RGS6: variants seen among roughly 807,000 people sequenced by gnomAD.
The protein encoded by RGS6 is regulator of G protein signaling 6.
Under a neutral mutation model 78.5 loss-of-function variants are expected in RGS6, and 30 were observed. The observed-to-expected ratio is 0.38, with a 90% CI of 0.29 to 0.52. The LOEUF (loss-of-function observed/expected upper bound fraction) is 0.52, where lower values mean the gene tolerates loss of function less well. Ranked by LOEUF, RGS6 falls within the 20% of genes least tolerant of loss-of-function variation. The pLI, the probability that RGS6 is intolerant of heterozygous loss-of-function variation, is 0.85. For synonymous variants in RGS6, 206 were observed against 206.0 expected (o/e 1.00, Z 0.00); for missense variants, 495 against 609.7 (o/e 0.81, Z 1.98).
At chr14:71,906,897 A>G in the RGS6 span, among the ~76,000 whole-genome samples, 14 of 146,502 alleles carry the variant, frequency 9.6e-5, 1 homozygote, top group Non-Finnish European at 1.8e-4. Flanking sequence ...CAAAATGACT[A>G]AGGCAAGAAC....
At chr14:72,353,090 G>A (rs1400548969) in intron 3 of RGS6, among the ~76,000 whole-genome samples, 1 of 152,176 alleles carries the variant, frequency 6.6e-6, no homozygotes, top group Non-Finnish European at 1.5e-5. Context: ...TCACATATTG[G>A]TGATACGAAT....
At chr14:72,581,353 T>C in the RGS6 span, among the ~76,000 whole-genome samples, 1 of 152,132 alleles carries the variant, frequency 6.6e-6, no homozygotes, top group Non-Finnish European at 1.5e-5. Context: ...CAAATTCTAT[T>C]TTTATATCTT....
chr14:72,400,672 T>G (rs954682849), intron 3 of RGS6, among the ~76,000 whole-genome samples: 1 of 152,242 alleles, frequency 6.6e-6, no homozygotes, highest in Non-Finnish European at 1.5e-5. Flanking sequence ...ATATTTGAAT[T>G]CTTTCTATGC....
chr14:72,076,188 G>A (rs546572357), intron 2 of RGS6, among the ~76,000 whole-genome samples: 1 of 152,292 alleles, frequency 6.6e-6, no homozygotes, highest in South Asian at 2.1e-4. Flanking sequence ...GCCCTCCACA[G>A]GCACCTTAGC....
chr14:72,127,731 A>G (rs149463812), intron 2 of RGS6, among the ~76,000 whole-genome samples: 7 of 152,316 alleles, frequency 4.6e-5, no homozygotes, highest in African/African-American at 1.7e-4. Context: ...AAGCTATAGT[A>G]CAATATCCCA....
intron 3 of RGS6, among the ~76,000 whole-genome samples, chr14:72,374,006 A>T (rs950233923): frequency 1.3e-5 from 2 of 152,208 alleles, no homozygotes; most frequent in Admixed American, 1.3e-4. Flanking sequence ...TATAAAATTA[A>T]TCATTTGATA....
rs539860265 is a variant in RGS6 at position 72,032,373 on chromosome 14, T to C, written c.84+67498T>C. Reference sequence around the variant, plus strand: ...TTGCTAAATGGAAAGTCAAAATAAATAATATCTCAATATTTTTAGCACTGT... The same window carrying C: ...TTGCTAAATGGAAAGTCAAAATAAACAATATCTCAATATTTTTAGCACTGT... On this transcript the variant is annotated intron_variant, in intron 2 of 17. Coordinates refer to ENST00000553525, the MANE Select transcript of RGS6 (RefSeq NM_001204424.2). 6.6e-5 allele frequency among the ~76,000 whole-genome samples: 10 copies of C among 152,322 alleles called. No individual in the cohort carries two copies. The East Asian group carries it at 1.9e-3, about 29-fold the overall frequency.
intron 2 of RGS6, among the ~76,000 whole-genome samples, chr14:72,252,523 G>T (rs962389956): frequency 8.5e-5 from 13 of 152,182 alleles, no homozygotes; most frequent in African/African-American, 3.1e-4. Flanking sequence ...CAGCATGTCT[G>T]CTCCCATCTC....
At chr14:72,570,165 AC>A (rs1311475397), downstream of RGS6, among the ~76,000 whole-genome samples, 3 of 152,274 alleles carry the variant, frequency 2.0e-5, no homozygotes, top group African/African-American at 7.2e-5. Context: ...AAATTAAAAA[AC>A]AATATAGCAT....
intron 2 of RGS6, among the ~76,000 whole-genome samples, chr14:72,072,474 A>G (rs1022516135): frequency 3.3e-5 from 5 of 151,904 alleles, no homozygotes; most frequent in African/African-American, 1.2e-4. Flanking sequence ...TGCCCGGCTA[A>G]TTTTTTGTAT....
intron 2 of RGS6, among the ~76,000 whole-genome samples, chr14:72,180,554 T>A (rs1174430900): frequency 6.6e-6 from 1 of 152,252 alleles, no homozygotes; most frequent in Non-Finnish European, 1.5e-5. Context: ...TCAGTGATGC[T>A]CCATATCTAT....
intron 3 of RGS6, among the ~76,000 whole-genome samples, chr14:72,448,332 A>G (rs2095416996): frequency 6.6e-6 from 1 of 152,194 alleles, no homozygotes; most frequent in Non-Finnish European, 1.5e-5. Flanking sequence ...TTGACCAAAC[A>G]ATACTACTTG....
At chr14:72,418,563 G>A (rs924818611) in intron 3 of RGS6, among the ~76,000 whole-genome samples, 11 of 152,186 alleles carry the variant, frequency 7.2e-5, no homozygotes, top group Admixed American at 1.3e-4. Context: ...AGTTTTCTCT[G>A]AAACAATAGG....
At chr14:72,098,185 C>A (rs1279282646) in intron 2 of RGS6, among the ~76,000 whole-genome samples, 3 of 152,222 alleles carry the variant, frequency 2.0e-5, no homozygotes, top group Non-Finnish European at 4.4e-5. Context: ...CCCCCATCCT[C>A]GGGGTCTGGT....
At chr14:72,288,042 T>C (rs2062911175) in intron 2 of RGS6, among the ~76,000 whole-genome samples, 1 of 152,194 alleles carries the variant, frequency 6.6e-6, no homozygotes, top group African/African-American at 2.4e-5. Flanking sequence ...GATATTCGCC[T>C]ATAGTTTTCT....
At chr14:72,123,543 C>T (rs1179214883) in intron 2 of RGS6, among the ~76,000 whole-genome samples, 5 of 152,082 alleles carry the variant, frequency 3.3e-5, no homozygotes, top group African/African-American at 7.2e-5. Context: ...GACATGTGAC[C>T]GTAATGAAAG....
In RGS6 at chr14:72,454,594, C is replaced by T. The variant is rs370941130; in HGVS notation, c.235+16C>T. The T allele has an allele frequency of 3.1e-6, 5 of 1,611,112 alleles. No individual in the cohort carries two copies. The African/African-American group carries it at 5.3e-5, about 17-fold the overall frequency. ...GAGGACCCAGGTACTTGACCTTTGA[C>T]CCCACCCTTATCTCCCCTGGTATCA... On this transcript the variant is annotated intron_variant, in intron 4 of 17. Coordinates refer to ENST00000553525, the MANE Select transcript of RGS6 (RefSeq NM_001204424.2).
chr14:72,461,589 G>T (rs1010128630), intron 6 of RGS6, among the ~76,000 whole-genome samples: 2 of 152,158 alleles, frequency 1.3e-5, no homozygotes, highest in Admixed American at 6.5e-5. Flanking sequence ...TGACTCGGGA[G>T]GCTGAGATGG....
Position 72,518,461 on chromosome 14 carries a change from A to G in RGS6, c.1202A>G (p.Asn401Ser). Residue 401 changes from asparagine (N) to serine (S), a missense_variant, in exon 15 of 18, where the codon AAC (asparagine) becomes AGC (serine). Physicochemically the swap from Asn to Ser is conservative, Grantham distance 46 (BLOSUM62 1). Coordinates refer to ENST00000553525, the MANE Select transcript of RGS6 (RefSeq NM_001204424.2). Reference sequence around the variant, plus strand: ...GCTCCAGGGGCTCCAAGTGCAATCAACCTGGATTCTCACAGCTATGAGATA... The same window carrying G: ...GCTCCAGGGGCTCCAAGTGCAATCAGCCTGGATTCTCACAGCTATGAGATA... The part of the protein sequence containing the change: ...FLAPGAPSAI[N>S]LDSHSYEITS... 6.2e-7 allele frequency: 1 copy of G among 1,614,216 alleles called. No homozygotes were observed. Among genetic ancestry groups the G allele is most frequent in the Non-Finnish European group, 8.5e-7 (1 of 1,180,032 alleles).
Sources: gnomAD v4.1 joint callset for allele counts (sites outside exome capture counted in the v4.1 genomes callset) on GRCh38, gnomAD v4.1.1 for gene constraint, MANE v1.5 for transcripts, NCBI Gene and HGNC (gene_info 2026-07-23, HGNC 2026-07-21) for gene names.